Variants in COMMD10 observed in about 807,000 individuals in gnomAD.
The protein encoded by COMMD10 is COMM domain-containing protein 10.
In COMMD10, 33 loss-of-function variants were observed where a neutral mutation model predicts 28.9. The ratio of observed to expected loss-of-function variants is 1.14; its 90% CI spans 0.87 to 1.53. COMMD10 has a LOEUF of 1.53. Among genes scored for constraint, COMMD10 ranks in the 40% most tolerant of loss-of-function variants. The pLI is 0.00. For synonymous variants in COMMD10, 110 were observed against 81.7 expected (o/e 1.35, Z -1.87); for missense variants, 310 against 233.4 (o/e 1.33, Z -2.14).
intron 5 of COMMD10, among the ~76,000 whole-genome samples, chr5:116,267,206 TC>T (rs1489592327): frequency 2.0e-5 from 3 of 151,798 alleles, no homozygotes; most frequent in East Asian, 1.9e-4. Context: ...CCTCATTGTC[TC>T]CAGCCCAAAA....
intron 5 of COMMD10, among the ~76,000 whole-genome samples, chr5:116,145,775 T>C (rs1248606521): frequency 6.6e-6 from 1 of 151,782 alleles, no homozygotes; most frequent in Non-Finnish European, 1.5e-5. Context: ...ATGTGATTGT[T>C]TTATAAGGGG....
chr5:116,105,596 T>C (rs1750811249), intron 4 of COMMD10, among the ~76,000 whole-genome samples: 1 of 152,224 alleles, frequency 6.6e-6, no homozygotes, highest in African/African-American at 2.4e-5. Context: ...CTGGGACTTT[T>C]TTTGGTTGGT....
At chr5:116,113,288 A>G (rs927588301) in intron 4 of COMMD10, among the ~76,000 whole-genome samples, 13 of 151,970 alleles carry the variant, frequency 8.6e-5, no homozygotes, top group African/African-American at 2.4e-4. Flanking sequence ...TGTTGTATTG[A>G]AGTCCCTTTT....
chr5:116,218,314 G>A (rs2112641289), intron 5 of COMMD10: 1 of 699,354 alleles, frequency 1.4e-6, no homozygotes. Context: ...CAGTGATGGT[G>A]GTGGGACATA....
chr5:116,097,306 A>G (rs576194652), intron 4 of COMMD10, among the ~76,000 whole-genome samples: 1 of 151,058 alleles, frequency 6.6e-6, no homozygotes, highest in Middle Eastern at 3.4e-3. Context: ...TAATATAATG[A>G]TAACAAGCAT....
At chr5:116,276,690 T>C (rs1241292553) in intron 5 of COMMD10, among the ~76,000 whole-genome samples, 1 of 151,812 alleles carries the variant, frequency 6.6e-6, no homozygotes, top group Admixed American at 6.6e-5. Flanking sequence ...TAAACAGAAT[T>C]TTTACTGATA....
chr5:116,088,545 A>G (rs983019189), intron 2 of COMMD10, among the ~76,000 whole-genome samples: 4 of 152,198 alleles, frequency 2.6e-5, no homozygotes, highest in Non-Finnish European at 5.9e-5. Context: ...AATCCTTAAC[A>G]TTGCGTACAA....
In COMMD10 at chr5:116,188,519, T is replaced by C. The variant is rs1411712849; in HGVS notation, c.510+54341T>C. On this transcript the variant is annotated intron_variant, in intron 5 of 6. Transcript: ENST00000274458. ...GCTAATCTTCCCTTTGTCTTTCCAA[T>C]TTTAGCATATATGCTACTGAAGTAA... The C allele has an allele frequency of 4.6e-5, 7 of 152,288 alleles. No homozygotes were observed. The East Asian group carries it at 1.2e-3, about 25-fold the overall frequency. The allele number at this position is 152,288 out of a possible 1,614,324, so 9.4% of individuals were successfully genotyped here.
chr5:116,271,251 T>A (rs1016136120), intron 5 of COMMD10, among the ~76,000 whole-genome samples: 2 of 144,452 alleles, frequency 1.4e-5, no homozygotes, highest in African/African-American at 5.3e-5. Context: ...AAAAACAATT[T>A]TTTTTCCTGT....
chr5:116,160,722 T>C (rs189916768), intron 5 of COMMD10, among the ~76,000 whole-genome samples: 36 of 152,302 alleles, frequency 2.4e-4, no homozygotes, highest in Admixed American at 2.2e-3. Flanking sequence ...CATCAGAACC[T>C]TGGCATATAA....
At chr5:116,165,295 A>G (rs1158142192) in intron 5 of COMMD10, among the ~76,000 whole-genome samples, 1 of 152,184 alleles carries the variant, frequency 6.6e-6, no homozygotes, top group African/African-American at 2.4e-5. Flanking sequence ...CTTGAAACAC[A>G]GCTCTGATAA....
At chr5:116,140,196 C>T (rs1463888466) in intron 5 of COMMD10, among the ~76,000 whole-genome samples, 1 of 148,004 alleles carries the variant, frequency 6.8e-6, no homozygotes, top group Non-Finnish European at 1.5e-5. Flanking sequence ...TTGCAAATGG[C>T]ACTATATCCT....
chr5:116,106,859 G>T (rs971144053), intron 4 of COMMD10, among the ~76,000 whole-genome samples: 1 of 151,850 alleles, frequency 6.6e-6, no homozygotes, highest in Admixed American at 6.6e-5. Context: ...TTTATTTTGA[G>T]CCTATGTGTG....
chr5:116,250,902 A>C (rs995147744), intron 5 of COMMD10, among the ~76,000 whole-genome samples: 10 of 152,012 alleles, frequency 6.6e-5, no homozygotes, highest in African/African-American at 2.4e-4. Flanking sequence ...GCAATGAACC[A>C]TATGGGAAAG....
At chr5:116,143,736 A>G (rs912796863) in intron 5 of COMMD10, among the ~76,000 whole-genome samples, 2 of 151,912 alleles carry the variant, frequency 1.3e-5, no homozygotes, top group East Asian at 1.9e-4. Flanking sequence ...AAAATGCTCA[A>G]TTCAATAAAG....
intron 4 of COMMD10, among the ~76,000 whole-genome samples, chr5:116,109,266 G>A (rs1561605148): frequency 6.6e-6 from 1 of 152,128 alleles, no homozygotes; most frequent in East Asian, 1.9e-4. Flanking sequence ...TGTGAAGATT[G>A]TGCATCTTGG....
chr5:116,205,092 T>C (rs1384854066), intron 5 of COMMD10, among the ~76,000 whole-genome samples: 1 of 152,180 alleles, frequency 6.6e-6, no homozygotes, highest in African/African-American at 2.4e-5. Context: ...TAAACATAGA[T>C]TTCCTAGATG....
chr5:116,227,185 C>T (rs993864377), intron 5 of COMMD10, among the ~76,000 whole-genome samples: 2 of 152,104 alleles, frequency 1.3e-5, no homozygotes, highest in South Asian at 2.1e-4. Context: ...AGATTTAGCT[C>T]GCTTTTAACA....
chr5:116,146,878 A>G (rs1315157625), intron 5 of COMMD10, among the ~76,000 whole-genome samples: 1 of 151,886 alleles, frequency 6.6e-6, no homozygotes, highest in Admixed American at 6.6e-5. Context: ...TTCATATAAA[A>G]TCTCTTTATT....
Sources: allele counts gnomAD v4.1 joint callset (sites outside exome capture counted in the v4.1 genomes callset), GRCh38; gene constraint gnomAD v4.1.1; transcripts MANE v1.5; gene names NCBI Gene and HGNC (gene_info 2026-07-23, HGNC 2026-07-21).